The following GNAL variants were observed in gnomAD, a reference collection of about 807,000 sequenced individuals.
GNAL encodes guanine nucleotide-binding protein G(olf) subunit alpha.
A neutral mutation model predicts 55.1 loss-of-function variants in GNAL; 18 were observed. That is an observed-to-expected ratio of 0.33 (90% confidence interval 0.23 to 0.48). GNAL has a LOEUF of 0.48. Among genes scored for constraint, GNAL ranks in the 20% least tolerant of loss-of-function variants. GNAL has a pLI of 0.99. For synonymous variants in GNAL, 253 were observed against 237.0 expected, an observed-to-expected ratio of 1.07 and a Z score of -0.62; for missense variants, 412 against 614.1, an observed-to-expected ratio of 0.67 and a Z score of 3.48.
At chr18:11,796,014 G>T (rs1377729073) in intron 4 of GNAL, among the ~76,000 whole-genome samples, 3 of 152,200 alleles carry the variant, frequency 2.0e-5, no homozygotes, top group Admixed American at 6.5e-5. Flanking sequence ...GTTCATCAAA[G>T]CTGGGGTCAG....
At chr18:11,709,871 T>G (rs1395619636) in intron 1 of GNAL, among the ~76,000 whole-genome samples, 1 of 152,206 alleles carries the variant, frequency 6.6e-6, no homozygotes, top group African/African-American at 2.4e-5. Flanking sequence ...CATCTTTGCC[T>G]TCTTCCTAAT....
intron 1 of GNAL, among the ~76,000 whole-genome samples, chr18:11,721,971 G>A (rs1396578850): frequency 6.6e-6 from 1 of 152,044 alleles, no homozygotes; most frequent in African/African-American, 2.4e-5. Flanking sequence ...CACTAAGACA[G>A]TTCACAGAGG....
In GNAL at chr18:11,752,414, G is replaced by A. The variant is rs749547968; in HGVS notation, c.377-439G>A. 1.3e-6 allele frequency: 2 copies of A among 1,599,002 alleles called. No individual in the cohort carries two copies. Among genetic ancestry groups the A allele is most frequent in the Non-Finnish European group, 1.7e-6 (2 of 1,174,342 alleles). ...TTGCGCACATTCCTAACTTCCTGAC[G>A]TCCATCCCAGCGGGCAGGCATGGGG... On this transcript the variant is annotated intron_variant, in intron 1 of 11. Transcript: ENST00000334049. The surrounding 1 kb of genome is among the most constrained non-coding windows in gnomAD (Gnocchi z 4.5).
At chr18:11,875,275 T>C (rs2036504209) in intron 10 of GNAL, among the ~76,000 whole-genome samples, 1 of 152,174 alleles carries the variant, frequency 6.6e-6, no homozygotes, top group Admixed American at 6.5e-5. Context: ...CCAACAGCTC[T>C]GCAGGGAGGG....
chr18:11,739,652 T>A (rs2032533965), intron 1 of GNAL, among the ~76,000 whole-genome samples: 1 of 151,786 alleles, frequency 6.6e-6, no homozygotes, highest in East Asian at 1.9e-4. Flanking sequence ...TTTTTTTTTT[T>A]AATTTTAGGT....
At chr18:11,695,909 T>TGCAC (rs1180843452) in intron 1 of GNAL, among the ~76,000 whole-genome samples, 42 of 111,782 alleles carry the variant, frequency 3.8e-4, no homozygotes, top group African/African-American at 1.4e-3. Context: ...TGCTCAGACA[T>TGCAC]GCATGCACGC....
chr18:11,703,795 G>GTGCACACACACACACACA (rs1555641028), intron 1 of GNAL, among the ~76,000 whole-genome samples: 6 of 141,496 alleles, frequency 4.2e-5, no homozygotes, highest in African/African-American at 1.6e-4. Context: ...GTGTTGATGG[G>GTGCACACACACACACACA]CACACACACA....
rs1267733344 is a variant in GNAL, at chr18:11,752,520, G to C, written c.377-333G>C. On this transcript the variant is annotated intron_variant, in intron 1 of 11. Coordinates refer to ENST00000334049, the MANE Select transcript of GNAL (RefSeq NM_182978.4). The surrounding 1 kb of genome is among the most constrained non-coding windows in gnomAD (Gnocchi z 4.5). ...GACGCGAGGCCAACAAAAAGATCGA[G>C]AAGCAGTTGCAGAAAGAGCGCCTGG... 1 of 1,613,324 alleles carries C rather than the reference G, an allele frequency of 6.2e-7. No homozygotes were observed. Among genetic ancestry groups the C allele is most frequent in the South Asian group, 1.1e-5 (1 of 91,014 alleles).
At chr18:11,860,543 A>G (rs1307705213) in intron 5 of GNAL, among the ~76,000 whole-genome samples, 1 of 152,194 alleles carries the variant, frequency 6.6e-6, no homozygotes, top group Non-Finnish European at 1.5e-5. Context: ...CATTTTATTT[A>G]ATATTTTTAC....
Position 11,689,687 on chromosome 18 carries a change from C to A in GNAL, c.124C>A (p.Arg42=). The part of the protein sequence containing the change: ...PAPAPALAPV[R]AAARDTARTL... ...CCCGGCCCCGGCCCTGGCCCCAGTC[C>A]GGGCGGCCGCAAGGGACACGGCCCG... The change falls in exon 1 of 12, where the codon CGG becomes AGG. Residue 42 remains arginine, a synonymous_variant. Coordinates refer to ENST00000334049, the MANE Select transcript of GNAL (RefSeq NM_182978.4). 6.8e-7 allele frequency: 1 copy of A among 1,467,196 alleles called. No individual in the cohort carries two copies. 90.9% of individuals were successfully genotyped at this position (1,467,196 alleles called of 1,614,324 possible).
chr18:11,735,414 G>A (rs1406649101), intron 1 of GNAL, among the ~76,000 whole-genome samples: 1 of 152,038 alleles, frequency 6.6e-6, no homozygotes, highest in Non-Finnish European at 1.5e-5. Flanking sequence ...GTGATGATAA[G>A]GAATGGATCA....
At chr18:11,710,763 A>G (rs1431595022) in intron 1 of GNAL, among the ~76,000 whole-genome samples, 1 of 152,132 alleles carries the variant, frequency 6.6e-6, no homozygotes, top group Non-Finnish European at 1.5e-5. Flanking sequence ...AAATCTGCCA[A>G]TAGTCTTATG....
chr18:11,822,422 T>A (rs2035122684), intron 4 of GNAL, among the ~76,000 whole-genome samples: 2 of 152,092 alleles, frequency 1.3e-5, no homozygotes, highest in African/African-American at 4.8e-5. Context: ...TTGGGCAACA[T>A]GGTAAAACCC....
At chr18:11,784,198 G>A (rs1223617427) in intron 4 of GNAL, among the ~76,000 whole-genome samples, 3 of 152,256 alleles carry the variant, frequency 2.0e-5, no homozygotes, top group Non-Finnish European at 2.9e-5. Flanking sequence ...GTGCTGACAA[G>A]AGCCTGTTGC....
chr18:11,720,583 G>C (rs12458309), intron 1 of GNAL, among the ~76,000 whole-genome samples: 71,452 of 152,180 alleles, frequency 0.47, 20,312 homozygotes, highest in Non-Finnish European at 0.62. Flanking sequence ...TCATTTGGAA[G>C]ACATCTATAA....
In GNAL at chr18:11,768,893, C is replaced by CAA. The variant is rs201256718; in HGVS notation, c.624+14962_624+14963dup. Among the ~76,000 whole-genome samples the CAA allele has an allele frequency of 6.3e-5, 5 of 79,628 alleles. No individual in the cohort carries two copies. In the East Asian group the frequency reaches 1.3e-3, roughly 20 times the overall value. The allele number at this position is 79,628 out of a possible 152,430, so 52.2% of individuals were successfully genotyped here. A position where few individuals can be genotyped will look rare whatever the true frequency, so the allele number is the denominator to read the frequency against. On this transcript the variant is annotated intron_variant, in intron 4 of 11. Coordinates refer to ENST00000334049, the MANE Select transcript of GNAL (RefSeq NM_182978.4). Reference sequence around the variant, plus strand: ...TGGGCGACGGAGCAAGACTCTGTCTCAAAAAAAAAAAAAAATATATATATA... The same window carrying CAA: ...TGGGCGACGGAGCAAGACTCTGTCTCAAAAAAAAAAAAAAAAATATATATATA...
intron 4 of GNAL, among the ~76,000 whole-genome samples, chr18:11,758,950 A>G (rs575222929): frequency 6.6e-5 from 10 of 152,232 alleles, no homozygotes; most frequent in Non-Finnish European, 1.0e-4. Flanking sequence ...AGGCAGGTCA[A>G]TCACCTGAGG....
At chr18:11,833,764 C>G (rs923379324) in intron 5 of GNAL, 4 of 152,242 alleles carry the variant, frequency 2.6e-5, no homozygotes, top group African/African-American at 9.6e-5. Flanking sequence ...GCGTGAAAAT[C>G]AGGACCTTCA....
Position 11,882,684 on chromosome 18 carries a change from C to G in GNAL, c.*1549C>G, listed in dbSNP as rs1318754521. On this transcript the variant is annotated 3_prime_UTR_variant, in exon 12 of 12. Coordinates refer to ENST00000334049, the MANE Select transcript of GNAL (RefSeq NM_182978.4). ...CTGGACATCAAAGTGAGACTCAGGCCAAAAAAAAAAAAAAAAAAAACCTTG... is the reference window on the plus strand; with the variant it reads ...CTGGACATCAAAGTGAGACTCAGGCGAAAAAAAAAAAAAAAAAAAACCTTG... 1 of 88,012 alleles carries G rather than the reference C, an allele frequency of 1.1e-5. No homozygotes were observed. The highest frequency in any genetic ancestry group is 2.2e-5 in the Non-Finnish European group (1 of 44,714). The allele number at this position is 88,012 out of a possible 1,614,324, so 5.5% of individuals were successfully genotyped here. A position where few individuals can be genotyped will look rare whatever the true frequency, so the allele number is the denominator to read the frequency against.
Sources: gnomAD v4.1 joint callset for allele counts (sites outside exome capture counted in the v4.1 genomes callset) on GRCh38, gnomAD v4.1.1 for gene constraint, Gnocchi (gnomAD v3.1) non-coding constraint, MANE v1.5 for transcripts, NCBI Gene and HGNC (gene_info 2026-07-23, HGNC 2026-07-21) for gene names.